Variants in UNC13C observed in about 807,000 individuals in gnomAD.
The protein encoded by UNC13C is unc-13 homolog C.
In UNC13C, 174 loss-of-function variants were observed where a neutral mutation model predicts 245.4. The ratio of observed to expected loss-of-function variants is 0.71; its 90% CI spans 0.63 to 0.80. The LOEUF (loss-of-function observed/expected upper bound fraction) is 0.80. Ranked by LOEUF, UNC13C falls within the 30% of genes least tolerant of loss-of-function variation. The probability of loss-of-function intolerance (pLI) is 0.00; values close to 1 mark genes in which losing one functional copy is unlikely to be tolerated. For synonymous variants in UNC13C, 992 were observed against 895.1 expected, an observed-to-expected ratio of 1.11 and a Z score of -1.93; for missense variants, 2,829 against 2,602.9, an observed-to-expected ratio of 1.09 and a Z score of -1.89.
At chr15:54,446,901 C>G (rs1297316568) in intron 19 of UNC13C, among the ~76,000 whole-genome samples, 1 of 152,120 alleles carries the variant, frequency 6.6e-6, no homozygotes, top group African/African-American at 2.4e-5. Flanking sequence ...AGTTTTTGCC[C>G]ATTCAGTATG....
intron 4 of UNC13C, among the ~76,000 whole-genome samples, chr15:54,217,679 C>T (rs2035083035): frequency 6.6e-6 from 1 of 151,936 alleles, no homozygotes; most frequent in African/African-American, 2.4e-5. Context: ...TCCATCAGTG[C>T]TCCCAAAGAT....
intron 30 of UNC13C, among the ~76,000 whole-genome samples, chr15:54,594,616 G>A (rs1432168047): frequency 6.6e-6 from 1 of 152,190 alleles, no homozygotes; most frequent in South Asian, 2.1e-4. Flanking sequence ...GGGGAAAGTC[G>A]ACCGTCACAG....
intron 2 of UNC13C, among the ~76,000 whole-genome samples, chr15:54,137,958 A>C (rs1409740926): frequency 6.6e-6 from 1 of 151,844 alleles, no homozygotes; most frequent in African/African-American, 2.4e-5. Flanking sequence ...GGTATTTATC[A>C]CTGTATCCCT....
intron 18 of UNC13C, among the ~76,000 whole-genome samples, chr15:54,413,839 T>G (rs940376115): frequency 6.6e-6 from 1 of 152,192 alleles, no homozygotes; most frequent in Non-Finnish European, 1.5e-5. Flanking sequence ...CAAATGTGGA[T>G]GAATGTGAGA....
At chr15:54,516,723 C>T (rs1438782665) in intron 24 of UNC13C, among the ~76,000 whole-genome samples, 1 of 149,870 alleles carries the variant, frequency 6.7e-6, no homozygotes, top group Non-Finnish European at 1.5e-5. Flanking sequence ...TCACTTGAAC[C>T]CTAGAGGCGG....
chr15:54,019,480 G>T (rs928458286), intron 2 of UNC13C, among the ~76,000 whole-genome samples: 6 of 152,176 alleles, frequency 3.9e-5, no homozygotes, highest in Admixed American at 1.3e-4. Context: ...TATAAATCAA[G>T]ATTTGTAGAG....
At chr15:53,915,850 A>G in the UNC13C span, among the ~76,000 whole-genome samples, 1 of 152,190 alleles carries the variant, frequency 6.6e-6, no homozygotes, top group Non-Finnish European at 1.5e-5. Context: ...ATACAAAACC[A>G]TGGTTGAAAT....
At chr15:54,024,379 G>C (rs1896018318) in intron 2 of UNC13C, among the ~76,000 whole-genome samples, 1 of 152,216 alleles carries the variant, frequency 6.6e-6, no homozygotes, top group Admixed American at 6.5e-5. Context: ...CCCAAGGTGA[G>C]AAATGAGTAT....
intron 30 of UNC13C, among the ~76,000 whole-genome samples, chr15:54,602,503 T>C (rs1899494128): frequency 6.6e-6 from 1 of 152,266 alleles, no homozygotes; most frequent in Non-Finnish European, 1.5e-5. Flanking sequence ...GTAGATTATA[T>C]GCTTTTAAAT....
At chr15:54,596,592 G>C (rs1194344935) in intron 30 of UNC13C, among the ~76,000 whole-genome samples, 2 of 152,142 alleles carry the variant, frequency 1.3e-5, no homozygotes, top group Admixed American at 6.5e-5. Context: ...AGGAGGACTG[G>C]GGATATCATT....
intron 2 of UNC13C, among the ~76,000 whole-genome samples, chr15:54,129,917 G>GA (rs1555420650): frequency 8.3e-6 from 1 of 121,204 alleles, no homozygotes; most frequent in African/African-American, 3.5e-5. Flanking sequence ...TTTATAATGT[G>GA]TTTTTTTTTT....
At chr15:53,881,143 T>C in the UNC13C span, among the ~76,000 whole-genome samples, 1 of 152,094 alleles carries the variant, frequency 6.6e-6, no homozygotes. Context: ...GGATTGTGTG[T>C]GTGTGTGTAC....
chr15:54,418,849 G>A lies in UNC13C; in HGVS notation c.4933+3782G>A, dbSNP rs545771246. On this transcript the variant is annotated intron_variant, in intron 19 of 32. Transcript: ENST00000260323. Reference sequence around the variant, plus strand: ...CCTTTCATCTTTACATTGAAGGAAAGCATCAGTGTTAATACCATTGACCTA... The same window carrying A: ...CCTTTCATCTTTACATTGAAGGAAAACATCAGTGTTAATACCATTGACCTA... 1.8e-3 allele frequency among the ~76,000 whole-genome samples: 280 copies of A among 152,228 alleles called. 2 individuals carry two copies. The highest frequency in any genetic ancestry group is 0.01 in the Middle Eastern group (3 of 294).
chr15:54,538,133 C>CAAAAAAAA (rs56041311), intron 26 of UNC13C, among the ~76,000 whole-genome samples: 5 of 10,248 alleles, frequency 4.9e-4, no homozygotes, highest in East Asian at 4.7e-3. Context: ...CATTAACAAG[C>CAAAAAAAA]AAAAAAAAAA....
intron 2 of UNC13C, among the ~76,000 whole-genome samples, chr15:54,075,450 G>A (rs1050118222): frequency 2.3e-5 from 3 of 131,308 alleles, no homozygotes; most frequent in East Asian, 4.5e-4. Flanking sequence ...GCAGTGAGCC[G>A]GAGCTTGCAG....
intron 2 of UNC13C, among the ~76,000 whole-genome samples, chr15:54,108,287 A>C (rs1018018501): frequency 6.6e-6 from 1 of 152,112 alleles, no homozygotes; most frequent in Non-Finnish European, 1.5e-5. Flanking sequence ...CCAGGGTTCA[A>C]GCTATTCTCC....
chr15:54,196,871 C>G (rs1176538223), intron 4 of UNC13C, among the ~76,000 whole-genome samples: 1 of 152,070 alleles, frequency 6.6e-6, no homozygotes, highest in African/African-American at 2.4e-5. Flanking sequence ...TCATGCTTAA[C>G]AGTAAAAAAC....
chr15:54,132,788 A>G (rs1054316404), intron 2 of UNC13C, among the ~76,000 whole-genome samples: 1 of 152,212 alleles, frequency 6.6e-6, no homozygotes, highest in Non-Finnish European at 1.5e-5. Flanking sequence ...GTTTCCAAAG[A>G]AGATAATGAA....
At chr15:54,612,095 A>ATAAT (rs1250938340) in intron 30 of UNC13C, among the ~76,000 whole-genome samples, 1 of 152,106 alleles carries the variant, frequency 6.6e-6, no homozygotes. Context: ...GAATAGTTTC[A>ATAAT]TAATTGAAAT....
Sources: gnomAD v4.1 joint callset for allele counts (sites outside exome capture counted in the v4.1 genomes callset) on GRCh38, gnomAD v4.1.1 for gene constraint, MANE v1.5 for transcripts, NCBI Gene and HGNC (gene_info 2026-07-23, HGNC 2026-07-21) for gene names.